Variants in DPP6 observed in about 807,000 individuals in gnomAD.
DPP6 encodes the protein dipeptidyl peptidase like 6.
Under a neutral mutation model 122.6 loss-of-function variants are expected in DPP6, and 69 were observed. The ratio of observed to expected loss-of-function variants is 0.56; its 90% CI spans 0.46 to 0.69. The LOEUF is 0.69. Among genes scored for constraint, DPP6 ranks in the 30% least tolerant of loss-of-function variants. The probability of loss-of-function intolerance (pLI) is 0.00; values close to 1 mark genes in which losing one functional copy is unlikely to be tolerated. For synonymous variants in DPP6, 418 were observed against 433.1 expected, an observed-to-expected ratio of 0.97 and a Z score of 0.43; for missense variants, 928 against 1,116.9, an observed-to-expected ratio of 0.83 and a Z score of 2.41.
At position 154,893,613 on chromosome 7, in the gene DPP6, A is replaced by C. The variant is rs939428702; in HGVS notation, c.*1133A>C. The C allele has an allele frequency of 5.3e-5, 8 of 152,096 alleles. No homozygotes were observed. The highest frequency in any genetic ancestry group is 1.7e-4 in the African/African-American group (7 of 41,492). The allele number at this position is 152,096 out of a possible 1,614,324, so 9.4% of individuals were successfully genotyped here. A position where few individuals can be genotyped will look rare whatever the true frequency, so the allele number is the denominator to read the frequency against. On this transcript the variant is annotated 3_prime_UTR_variant, in exon 26 of 26. Coordinates refer to ENST00000377770, the MANE Select transcript of DPP6 (RefSeq NM_130797.4). ...GGGGTGGCTCCGTGACCTTCCTGCC[A>C]CGAGCAGGAGGTTGATGATGTGCTA...
chr7:153,767,115 CA>C, the DPP6 span, among the ~76,000 whole-genome samples: 64,536 of 151,882 alleles, frequency 0.42, 14,042 homozygotes, highest in South Asian at 0.52. Flanking sequence ...AGAAGGAAGT[CA>C]GGGGTGAAAA....
chr7:154,105,470 G>A (rs982764876), intron 1 of DPP6, among the ~76,000 whole-genome samples: 6 of 152,170 alleles, frequency 3.9e-5, no homozygotes, highest in African/African-American at 1.4e-4. Context: ...CCCACCAGCA[G>A]GCACCCACCA....
At chr7:153,939,517 G>A (rs1054197073) in intron 1 of DPP6, among the ~76,000 whole-genome samples, 2 of 152,290 alleles carry the variant, frequency 1.3e-5, no homozygotes, top group Non-Finnish European at 2.9e-5. Flanking sequence ...ACAAAGGTGA[G>A]TGTGGGGCAC....
chr7:154,443,375 A>T (rs542194220), intron 1 of DPP6, among the ~76,000 whole-genome samples: 1 of 152,192 alleles, frequency 6.6e-6, no homozygotes, highest in African/African-American at 2.4e-5. Context: ...AATGAAAGCC[A>T]TTCAACTTCT....
At chr7:154,144,777 T>C (rs1445279227) in intron 1 of DPP6, among the ~76,000 whole-genome samples, 1 of 151,886 alleles carries the variant, frequency 6.6e-6, no homozygotes, top group African/African-American at 2.4e-5. Flanking sequence ...GACATCCTTA[T>C]AAGAAGAGGA....
chr7:154,307,864 CTT>C (rs10718595), intron 1 of DPP6, among the ~76,000 whole-genome samples: 105 of 133,574 alleles, frequency 7.9e-4, no homozygotes, highest in East Asian at 7.1e-3. Flanking sequence ...GAATATGTTT[CTT>C]TTTTTTTTTT....
chr7:153,981,749 A>T (rs1796601365), intron 1 of DPP6, among the ~76,000 whole-genome samples: 1 of 151,996 alleles, frequency 6.6e-6, no homozygotes, highest in Admixed American at 6.6e-5. Flanking sequence ...TGGTGACAAA[A>T]TCTCTCAGCA....
chr7:154,421,925 C>T (rs1239342659), intron 1 of DPP6, among the ~76,000 whole-genome samples: 1 of 152,186 alleles, frequency 6.6e-6, no homozygotes, highest in African/African-American at 2.4e-5. Context: ...GTCAGAGCTA[C>T]AGGACATAGA....
intron 2 of DPP6, 119 bp from the exon 3 acceptor site, chr7:154,474,820 A>T (rs1211092364): frequency 2.8e-6 from 2 of 713,710 alleles, no homozygotes; most frequent in Non-Finnish European, 4.7e-6. Context: ...CCATTCACTT[A>T]TGGACGTCAT....
chr7:154,093,978 A>G (rs1472934935), intron 1 of DPP6: 1 of 152,206 alleles, frequency 6.6e-6, no homozygotes. Context: ...TCCTGCTAGC[A>G]TAAAAGAATG....
chr7:154,434,302 C>G (rs549492498), intron 1 of DPP6, among the ~76,000 whole-genome samples: 2 of 152,210 alleles, frequency 1.3e-5, no homozygotes, highest in Admixed American at 6.5e-5. Flanking sequence ...AAAAAGCCAC[C>G]CTAAGCCCGT....
chr7:154,814,072 G>A (rs1392571151), intron 16 of DPP6, among the ~76,000 whole-genome samples: 2 of 151,654 alleles, frequency 1.3e-5, no homozygotes. Context: ...GTAGAGACGG[G>A]GTTTTGCAAT....
chr7:153,978,337 C>G (rs1302638154), intron 1 of DPP6, among the ~76,000 whole-genome samples: 1 of 152,148 alleles, frequency 6.6e-6, no homozygotes, highest in East Asian at 1.9e-4. Flanking sequence ...TGTTTGTTGG[C>G]TGCATAAATG....
intron 8 of DPP6, among the ~76,000 whole-genome samples, chr7:154,767,885 T>TG (rs2131542048): frequency 6.6e-6 from 1 of 152,192 alleles, no homozygotes; most frequent in African/African-American, 2.4e-5. Context: ...TTGCCTTCGG[T>TG]GGGGGGCTGT....
At chr7:154,631,669 GA>G (rs61353112) in intron 5 of DPP6, among the ~76,000 whole-genome samples, 60,921 of 141,016 alleles carry the variant, frequency 0.43, 12,668 homozygotes, top group African/African-American at 0.54. Context: ...TCTGTCTCAA[GA>G]AAAAAAAAAA....
At chr7:154,251,634 C>T (rs1235527014) in intron 1 of DPP6, among the ~76,000 whole-genome samples, 1 of 152,236 alleles carries the variant, frequency 6.6e-6, no homozygotes, top group African/African-American at 2.4e-5. Flanking sequence ...ACAGTGCAGC[C>T]TTCAGTCTGT....
chr7:154,468,551 C>G (rs576964174), intron 2 of DPP6, among the ~76,000 whole-genome samples: 16 of 152,270 alleles, frequency 1.1e-4, no homozygotes, highest in African/African-American at 3.6e-4. Flanking sequence ...TGTGAAGTCA[C>G]AGGTGCCTAA....
At chr7:153,767,371 T>TTTG in the DPP6 span, among the ~76,000 whole-genome samples, 68 of 151,960 alleles carry the variant, frequency 4.5e-4, no homozygotes, top group South Asian at 8.4e-4. Context: ...TGAGAAACTT[T>TTTG]TTGTTGTTGT....
At chr7:154,648,637 C>T (rs537535146) in intron 6 of DPP6, among the ~76,000 whole-genome samples, 4 of 152,156 alleles carry the variant, frequency 2.6e-5, no homozygotes, top group East Asian at 3.9e-4. Flanking sequence ...ATCACGCTTT[C>T]GGCCGGGCGT....
Sources: allele counts gnomAD v4.1 joint callset (sites outside exome capture counted in the v4.1 genomes callset), GRCh38; gene constraint gnomAD v4.1.1; transcripts MANE v1.5; gene names NCBI Gene and HGNC (gene_info 2026-07-23, HGNC 2026-07-21).